Variants in RXFP2 observed in about 807,000 individuals in gnomAD.
RXFP2 encodes the protein relaxin family peptide receptor 2, also known as relaxin receptor 2.
RXFP2 carries 68 observed loss-of-function variants against 88.6 expected under a neutral mutation model. The ratio of observed to expected loss-of-function variants is 0.77; its 90% CI spans 0.63 to 0.94. The LOEUF (loss-of-function observed/expected upper bound fraction) is 0.94. Among genes scored for constraint, RXFP2 ranks in the 40% least tolerant of loss-of-function variants. The pLI, the probability that RXFP2 is intolerant of heterozygous loss-of-function variation, is 0.00. For synonymous variants in RXFP2, 329 were observed against 306.8 expected, an observed-to-expected ratio of 1.07 and a Z score of -0.76; for missense variants, 791 against 893.9, an observed-to-expected ratio of 0.88 and a Z score of 1.47.
chr13:31,785,913 T>C (rs1873515684), intron 11 of RXFP2, among the ~76,000 whole-genome samples: 1 of 152,232 alleles, frequency 6.6e-6, no homozygotes, highest in South Asian at 2.1e-4. Flanking sequence ...TGTGAACTTA[T>C]TCAAGATTAT....
rs147248433 is a variant in RXFP2 at position 31,799,059 on chromosome 13, C to A, written c.2005+1640C>A. 1.1e-4 allele frequency among the ~76,000 whole-genome samples: 17 copies of A among 152,118 alleles called. No individual in the cohort carries two copies. The East Asian group carries it at 3.1e-3, about 28-fold the overall frequency. ...CCTTCAGATGATAAGCTTGGGGAGG[C>A]GTGTATGTCTTATTCTTCTGTGCAT... On this transcript the variant is annotated intron_variant, in intron 17 of 17. Transcript: ENST00000298386.
rs1460666206 is a variant in RXFP2, at chr13:31,782,695, A to T, written c.877A>T (p.Ile293Phe). 1 of 1,612,142 alleles carries T rather than the reference A, an allele frequency of 6.2e-7. No individual in the cohort carries two copies. Among genetic ancestry groups the T allele is most frequent in the East Asian group, 2.2e-5 (1 of 44,872 alleles). ...LTVLFLPRNQIGFVPEKTFSS... is the reference protein window; with the variant it reads ...LTVLFLPRNQFGFVPEKTFSS... ...TTACAGGTTTCTGCCTAGAAATCAA[A>T]TTGGTTTTGTTCCAGAGAAGACATT... The change falls in exon 11 of 18, where the codon ATT (isoleucine) becomes TTT (phenylalanine). Residue 293 changes from isoleucine (I) to phenylalanine (F), a missense_variant. By Grantham distance (21) the Ile-to-Phe change is conservative. Transcript: ENST00000298386.
At chr13:31,796,840 A>G (rs1476286873) in intron 16 of RXFP2, among the ~76,000 whole-genome samples, 1 of 152,252 alleles carries the variant, frequency 6.6e-6, no homozygotes, top group Non-Finnish European at 1.5e-5. Context: ...GCTCTAAAAT[A>G]TGGAACTTTT....
chr13:31,792,638 T>A (rs1873849120), intron 15 of RXFP2, 40 bp from the exon 16 acceptor site: 2 of 1,594,142 alleles, frequency 1.3e-6, no homozygotes, highest in East Asian at 4.5e-5. Flanking sequence ...AACAGGGACA[T>A]TGGAAACTGA....
At chr13:31,776,102 T>TTTCTTTCTTCC (rs35847911) in intron 7 of RXFP2, among the ~76,000 whole-genome samples, 1 of 109,830 alleles carries the variant, frequency 9.1e-6, no homozygotes, top group African/African-American at 3.6e-5. Flanking sequence ...CTTTCTTTTC[T>TTTCTTTCTTCC]TTTCTTTCTT....
At chr13:31,753,456 G>C (rs542320610) in intron 1 of RXFP2, among the ~76,000 whole-genome samples, 1 of 152,256 alleles carries the variant, frequency 6.6e-6, no homozygotes, top group South Asian at 2.1e-4. Flanking sequence ...TCAGCTGTGT[G>C]TTTGGCAGAG....
At position 31,765,061 on chromosome 13, in the gene RXFP2, G is replaced by C; in HGVS notation, c.344G>C (p.Cys115Ser). ...GTTCTAAAACAGTATCCACAATGCT[G>C]TGACTGCAAAGAAACTGAATTGGAA... ...ECFLKQYPQC[C>S]DCKETELECV... The change falls in exon 4 of 18, where the codon TGT becomes TCT. Residue 115 changes from cysteine (C) to serine (S), a missense_variant. Cys to Ser is a moderately radical substitution (Grantham distance 112, BLOSUM62 -1). Transcript: ENST00000298386. 6.2e-7 allele frequency: 1 copy of C among 1,608,220 alleles called. No homozygotes were observed.
intron 9 of RXFP2, among the ~76,000 whole-genome samples, chr13:31,781,306 G>A (rs916979031): frequency 2.0e-5 from 3 of 152,148 alleles, no homozygotes; most frequent in African/African-American, 7.2e-5. Context: ...TATGTTAAAT[G>A]GGGGATAATA....
chr13:31,769,178 A>G (rs1461956774), intron 5 of RXFP2, among the ~76,000 whole-genome samples: 1 of 152,234 alleles, frequency 6.6e-6, no homozygotes, highest in Non-Finnish European at 1.5e-5. Flanking sequence ...ACAAAGTTTA[A>G]AATATATAAT....
At chr13:31,776,857 C>A (rs1388672678) in intron 7 of RXFP2, among the ~76,000 whole-genome samples, 3 of 152,160 alleles carry the variant, frequency 2.0e-5, no homozygotes, top group Non-Finnish European at 2.9e-5. Context: ...TTTGAATATG[C>A]AAATAGTTTC....
At chr13:31,753,644 C>T (rs1013914129) in intron 1 of RXFP2, among the ~76,000 whole-genome samples, 3 of 151,904 alleles carry the variant, frequency 2.0e-5, no homozygotes, top group Non-Finnish European at 4.4e-5. Flanking sequence ...CACTATGTAC[C>T]AAGTACAGCA....
intron 13 of RXFP2, among the ~76,000 whole-genome samples, chr13:31,787,842 T>G (rs1208454643): frequency 6.6e-6 from 1 of 152,256 alleles, no homozygotes; most frequent in Non-Finnish European, 1.5e-5. Context: ...GGTTTCATTG[T>G]GTTGCCCAGG....
In RXFP2 at chr13:31,778,525, A is replaced by T; in HGVS notation, c.727A>T (p.Asn243Tyr). ...NSLFFLSMVN[N>Y]YLEALPKQMC... ...CTTTGTGTAAAGGTCTATGGTTAAT[A>T]ACTACTTAGAAGCTCTTCCCAAGCA... Residue 243 changes from asparagine to tyrosine, a missense_variant, in exon 9 of 18, where the codon AAC becomes TAC. Physicochemically the swap from Asn to Tyr is moderately radical, Grantham distance 143 (BLOSUM62 -2). Transcript: ENST00000298386. 6.2e-7 allele frequency: 1 copy of T among 1,608,228 alleles called. No homozygotes were observed. The highest frequency in any genetic ancestry group is 8.5e-7 in the Non-Finnish European group (1 of 1,174,768).
intron 13 of RXFP2, among the ~76,000 whole-genome samples, chr13:31,788,137 G>GAA (rs11434187): frequency 0.32 from 44,703 of 137,798 alleles, 7,951 homozygotes; most frequent in Admixed American, 0.44. Context: ...GAGCCAGAGA[G>GAA]AAAAAAAAAA....
chr13:31,774,637 G>T lies in RXFP2; in HGVS notation c.515G>T (p.Cys172Phe), dbSNP rs762388737. Reference protein sequence around the residue: ...KLKKIFLQHNCIRHISRKAFF... With the variant: ...KLKKIFLQHNFIRHISRKAFF... ...CCTACCAGATTTCTTCAGCATAATT[G>T]CATTAGACACATATCCAGGAAAGCA... is the stretch of plus-strand genomic sequence containing the variant. Residue 172 changes from cysteine (C) to phenylalanine (F), a missense_variant, in exon 6 of 18, where the codon TGC becomes TTC. Physicochemically the swap from Cys to Phe is radical, Grantham distance 205. Transcript: ENST00000298386. 1.8e-5 allele frequency: 28 copies of T among 1,551,818 alleles called. 1 individual carries two copies. In the South Asian group the frequency reaches 3.0e-4, roughly 17 times the overall value.
At chr13:31,793,782 T>C (rs572894632) in intron 16 of RXFP2, among the ~76,000 whole-genome samples, 1 of 152,338 alleles carries the variant, frequency 6.6e-6, no homozygotes, top group Admixed American at 6.5e-5. Flanking sequence ...TTTGACTCTC[T>C]CTTCTAATCT....
In RXFP2 at chr13:31,791,805, G is replaced by C; in HGVS notation, c.1146-1G>C. 1 of 1,611,278 alleles carries C rather than the reference G, an allele frequency of 6.2e-7. No homozygotes were observed. The highest frequency in any genetic ancestry group is 8.5e-7 in the Non-Finnish European group (1 of 1,177,452). On this transcript the variant is annotated splice_acceptor_variant, in intron 14 of 17. Coordinates refer to ENST00000298386, the MANE Select transcript of RXFP2 (RefSeq NM_130806.5). LOFTEE classifies it high-confidence loss of function. ...GACACTTTTTTTCCCTTTGACTTTA[G>C]TTATTTCAAAAACTTTCGATACTGC...
At chr13:31,789,247 C>A (rs1356048191) in intron 14 of RXFP2, 54 bp downstream of exon 14, 1 of 1,065,050 alleles carries the variant, frequency 9.4e-7, no homozygotes, top group Non-Finnish European at 1.5e-6. Context: ...TTCAAATTAT[C>A]TCCTGTAAAC....
rs750533910 is a variant in RXFP2 at position 31,786,407 on chromosome 13, G to A, written c.954G>A (p.Thr318=). ...GELDLSSNTI[T]ELSPHLFKDL... ...GGGATCTGTCTAGCAATACGATAAC[G>A]GAACTATCACCTCACCTTTTTAAAG... Residue 318 remains threonine (T), a synonymous_variant, in exon 12 of 18, where the codon ACG becomes ACA. Transcript: ENST00000298386. The A allele has an allele frequency of 1.4e-5, 23 of 1,608,326 alleles. No individual in the cohort carries two copies. Among genetic ancestry groups the A allele is most frequent in the African/African-American group, 2.7e-5 (2 of 74,850 alleles).
Sources: allele counts gnomAD v4.1 joint callset (sites outside exome capture counted in the v4.1 genomes callset), GRCh38; gene constraint gnomAD v4.1.1; transcripts MANE v1.5; gene names NCBI Gene and HGNC (gene_info 2026-07-23, HGNC 2026-07-21).